Variants in NKAIN2 observed in about 807,000 individuals in gnomAD.
The protein encoded by NKAIN2 is sodium/potassium transporting ATPase interacting 2.
Under a neutral mutation model 32.6 loss-of-function variants are expected in NKAIN2, and 14 were observed. The ratio of observed to expected loss-of-function variants is 0.43; its 90% confidence interval spans 0.28 to 0.67. NKAIN2 has a LOEUF of 0.67. Among genes scored for constraint, NKAIN2 ranks in the 30% least tolerant of loss-of-function variants. The probability of loss-of-function intolerance (pLI) is 0.17; values close to 1 mark genes in which losing one functional copy is unlikely to be tolerated. For missense variants in NKAIN2, 198 were observed against 258.3 expected, an observed-to-expected ratio of 0.77 and a Z score of 1.60; for synonymous variants, 80 against 87.2, an observed-to-expected ratio of 0.92 and a Z score of 0.46.
chr6:124,750,046 C>T (rs747432977), intron 4 of NKAIN2, among the ~76,000 whole-genome samples: 1 of 151,706 alleles, frequency 6.6e-6, no homozygotes, highest in Non-Finnish European at 1.5e-5. Flanking sequence ...TGTATTTGAC[C>T]TAGTCACTCT....
intron 3 of NKAIN2, among the ~76,000 whole-genome samples, chr6:124,433,516 T>G (rs1775305918): frequency 6.6e-6 from 1 of 152,160 alleles, no homozygotes; most frequent in African/African-American, 2.4e-5. Context: ...TGATTTATGC[T>G]CAATTTTTCT....
intron 1 of NKAIN2, among the ~76,000 whole-genome samples, chr6:123,840,274 AC>A (rs2114933206): frequency 6.6e-6 from 1 of 152,214 alleles, no homozygotes; most frequent in African/African-American, 2.4e-5. Context: ...AAAAACATTC[AC>A]TTTTTTAAAC....
At position 123,815,738 on chromosome 6, in the gene NKAIN2, T is replaced by C. The variant is rs924303430; in HGVS notation, c.54+11484T>C. 2.0e-5 allele frequency among the ~76,000 whole-genome samples: 3 copies of C among 152,068 alleles called. No homozygotes were observed. In the East Asian group the frequency reaches 5.8e-4, roughly 29 times the overall value. On this transcript the variant is annotated intron_variant, in intron 1 of 6. Coordinates refer to ENST00000368417, the MANE Select transcript of NKAIN2 (RefSeq NM_001040214.3). ...TCAGTTATTTTGAGCTCAGGAAACA[T>C]TTAAGAGATTATATACATACTTGAT... is the stretch of plus-strand genomic sequence containing the variant.
chr6:124,397,267 A>G (rs1031942827), intron 3 of NKAIN2, among the ~76,000 whole-genome samples: 3 of 152,048 alleles, frequency 2.0e-5, no homozygotes, highest in Non-Finnish European at 2.9e-5. Flanking sequence ...TAAATAATAT[A>G]AATAAATGTA....
At chr6:124,649,269 T>C (rs1446004464) in intron 3 of NKAIN2, among the ~76,000 whole-genome samples, 1 of 152,164 alleles carries the variant, frequency 6.6e-6, no homozygotes, top group African/African-American at 2.4e-5. Context: ...GAATTACTAA[T>C]ATTATCAATG....
At chr6:124,717,229 A>G (rs551759006) in intron 4 of NKAIN2, among the ~76,000 whole-genome samples, 22 of 152,338 alleles carry the variant, frequency 1.4e-4, no homozygotes, top group African/African-American at 4.3e-4. Flanking sequence ...AAATTATTCT[A>G]TAAATTGTAG....
intron 1 of NKAIN2, among the ~76,000 whole-genome samples, chr6:124,238,689 G>A (rs990994778): frequency 6.6e-6 from 1 of 152,110 alleles, no homozygotes; most frequent in Non-Finnish European, 1.5e-5. Flanking sequence ...AGCTTCATAA[G>A]CAAAGGAGAA....
chr6:124,773,335 G>T (rs866231914), intron 4 of NKAIN2, among the ~76,000 whole-genome samples: 28 of 149,316 alleles, frequency 1.9e-4, no homozygotes, highest in African/African-American at 6.7e-4. Flanking sequence ...TGCGAGTGGT[G>T]GGGGGGTCAC....
intron 1 of NKAIN2, chr6:123,829,432 A>G (rs964713438): frequency 6.6e-6 from 1 of 152,194 alleles, no homozygotes; most frequent in African/African-American, 2.4e-5. Flanking sequence ...TTGGTATAAC[A>G]TGATAAAACT....
chr6:124,324,084 C>T lies in NKAIN2; in HGVS notation c.193-31183C>T, dbSNP rs1220905474. ...GGGATTACAGGCATGAGTCACTGCACCAGGCCTTCTTCTAACTTTCTGTAA... is the reference window on the plus strand; with the variant it reads ...GGGATTACAGGCATGAGTCACTGCATCAGGCCTTCTTCTAACTTTCTGTAA... On this transcript the variant is annotated intron_variant, in intron 2 of 6. Coordinates refer to ENST00000368417, the MANE Select transcript of NKAIN2 (RefSeq NM_001040214.3). Among the ~76,000 whole-genome samples the T allele has an allele frequency of 2.6e-5, 4 of 152,120 alleles. No homozygotes were observed. In the East Asian group the frequency reaches 7.7e-4, roughly 29 times the overall value.
intron 2 of NKAIN2, among the ~76,000 whole-genome samples, chr6:124,314,076 G>T (rs1162331003): frequency 6.6e-6 from 1 of 152,072 alleles, no homozygotes; most frequent in African/African-American, 2.4e-5. Flanking sequence ...CAGAATGGGA[G>T]GGCTAGGATG....
chr6:124,669,095 C>T (rs1772965051), intron 4 of NKAIN2, among the ~76,000 whole-genome samples: 1 of 152,070 alleles, frequency 6.6e-6, no homozygotes, highest in Non-Finnish European at 1.5e-5. Flanking sequence ...TAATAGGGTG[C>T]ACATGACAAC....
intron 3 of NKAIN2, among the ~76,000 whole-genome samples, chr6:124,544,331 C>G (rs1289814390): frequency 6.9e-6 from 1 of 145,000 alleles, no homozygotes; most frequent in Non-Finnish European, 1.6e-5. Context: ...AACTAGATCT[C>G]CAACCACAGA....
intron 4 of NKAIN2, among the ~76,000 whole-genome samples, chr6:124,696,718 G>A (rs1161520086): frequency 6.6e-6 from 1 of 151,086 alleles, no homozygotes; most frequent in African/African-American, 2.4e-5. Flanking sequence ...CAATTGATAT[G>A]TTGTTTTCTG....
At chr6:124,401,356 A>G (rs1438421925) in intron 3 of NKAIN2, among the ~76,000 whole-genome samples, 1 of 152,172 alleles carries the variant, frequency 6.6e-6, no homozygotes, top group Non-Finnish European at 1.5e-5. Context: ...GAGTCTGCAA[A>G]CTATGGCTCG....
chr6:124,331,348 A>AAG (rs2115051169), intron 2 of NKAIN2, among the ~76,000 whole-genome samples: 1 of 64,984 alleles, frequency 1.5e-5, no homozygotes, highest in South Asian at 5.4e-4. Flanking sequence ...AAATATACAA[A>AAG]AAAAAAAAAA....
At chr6:124,721,480 CAG>C (rs1404632409) in intron 4 of NKAIN2, among the ~76,000 whole-genome samples, 1 of 151,862 alleles carries the variant, frequency 6.6e-6, no homozygotes, top group Non-Finnish European at 1.5e-5. Context: ...CTTTCTGATG[CAG>C]AGTGTACACT....
intron 1 of NKAIN2, among the ~76,000 whole-genome samples, chr6:124,226,053 T>A (rs187897907): frequency 2.8e-4 from 42 of 152,184 alleles, no homozygotes. Flanking sequence ...ATTGAAAAGA[T>A]CAAAGCCTAA....
At chr6:124,713,181 A>T (rs891254682) in intron 4 of NKAIN2, among the ~76,000 whole-genome samples, 2 of 152,340 alleles carry the variant, frequency 1.3e-5, no homozygotes, top group Middle Eastern at 3.4e-3. Flanking sequence ...ATATAGGATT[A>T]TGCTTCCTGT....
Sources: allele counts gnomAD v4.1 joint callset (sites outside exome capture counted in the v4.1 genomes callset), GRCh38; gene constraint gnomAD v4.1.1; transcripts MANE v1.5; gene names NCBI Gene and HGNC (gene_info 2026-07-23, HGNC 2026-07-21).